Variants in PPME1 observed in about 807,000 individuals in gnomAD.
PPME1 encodes the protein testicular secretory protein Li 39.
Under a neutral mutation model 56.9 loss-of-function variants are expected in PPME1, and 17 were observed. The observed-to-expected ratio is 0.30, with a 90% CI of 0.20 to 0.45. The LOEUF (loss-of-function observed/expected upper bound fraction) is 0.45, where lower values mean the gene tolerates loss of function less well. Among genes scored for constraint, PPME1 ranks in the 20% least tolerant of loss-of-function variants. PPME1 has a pLI of 1.00. For synonymous variants in PPME1, 122 were observed against 156.2 expected (o/e 0.78, Z 1.63); for missense variants, 357 against 483.2 (o/e 0.74, Z 2.45).
intron 7 of PPME1, among the ~76,000 whole-genome samples, chr11:74,232,989 G>A (rs919017745): frequency 6.7e-6 from 1 of 148,690 alleles, no homozygotes; most frequent in Non-Finnish European, 1.5e-5. Context: ...AAATGGGTAT[G>A]AGCCACTACG....
intron 1 of PPME1, among the ~76,000 whole-genome samples, chr11:74,173,053 G>A (rs918970550): frequency 6.6e-6 from 1 of 152,106 alleles, no homozygotes; most frequent in Non-Finnish European, 1.5e-5. Flanking sequence ...GCTATGATAC[G>A]CAGTAGAAAA....
At chr11:74,251,346 C>A in intron 12 of PPME1, 1 of 1,355,318 alleles carries the variant, frequency 7.4e-7, no homozygotes, top group East Asian at 2.7e-5. Flanking sequence ...AAACCACAGG[C>A]ACAGTTAGGA....
chr11:74,207,232 T>G (rs1184879420), intron 3 of PPME1, among the ~76,000 whole-genome samples: 1 of 152,204 alleles, frequency 6.6e-6, no homozygotes, highest in Non-Finnish European at 1.5e-5. Context: ...AGGATTTAAT[T>G]GTGAATGTAT....
At chr11:74,194,374 A>G (rs1160416120) in intron 1 of PPME1, among the ~76,000 whole-genome samples, 1 of 152,048 alleles carries the variant, frequency 6.6e-6, no homozygotes, top group African/African-American at 2.4e-5. Flanking sequence ...GTGCATCGCA[A>G]AACTTCAAGT....
chr11:74,223,031 C>T (rs902419453), intron 4 of PPME1, among the ~76,000 whole-genome samples: 2 of 151,054 alleles, frequency 1.3e-5, no homozygotes, highest in African/African-American at 2.4e-5. Flanking sequence ...CATGCTGGTG[C>T]GCTGCACCCA....
rs1318862123 is a variant in PPME1, at chr11:74,253,519, T to G, written c.*9T>G. On this transcript the variant is annotated 3_prime_UTR_variant, in exon 14 of 14. Transcript: ENST00000328257. ...TGTTTCCTGGCTGTTAGTGACCTGC[T>G]GTCCACCCCTCCTCAACATCGAGCT... 6.2e-7 allele frequency: 1 copy of G among 1,605,390 alleles called. No individual in the cohort carries two copies. The highest frequency in any genetic ancestry group is 2.2e-5 in the East Asian group (1 of 44,832).
chr11:74,184,748 A>G (rs895332996), intron 1 of PPME1, among the ~76,000 whole-genome samples: 1 of 152,012 alleles, frequency 6.6e-6, no homozygotes, highest in African/African-American at 2.4e-5. Flanking sequence ...CTGTTTACCT[A>G]TTTCCCCCCT....
chr11:74,177,662 C>T (rs1191854346), intron 1 of PPME1, among the ~76,000 whole-genome samples: 2 of 151,856 alleles, frequency 1.3e-5, no homozygotes, highest in Non-Finnish European at 2.9e-5. Flanking sequence ...GTTTTTTTCT[C>T]ACAAATAAAC....
intron 3 of PPME1, among the ~76,000 whole-genome samples, chr11:74,211,138 A>C (rs936619406): frequency 6.6e-6 from 1 of 152,228 alleles, no homozygotes; most frequent in Non-Finnish European, 1.5e-5. Context: ...TTATTTTTTA[A>C]ATGTAAGACA....
In PPME1 at chr11:74,203,885, G is replaced by A. The variant is rs59043072; in HGVS notation, c.195+64G>A. 7.2e-3 allele frequency: 8,625 copies of A among 1,201,014 alleles called. 360 individuals carry two copies. In the African/African-American group the frequency reaches 0.11, roughly 15 times the overall value. The allele number at this position is 1,201,014 out of a possible 1,614,324, so 74.4% of individuals were successfully genotyped here. A position where few individuals can be genotyped will look rare whatever the true frequency, so the allele number is the denominator to read the frequency against. On this transcript the variant is annotated intron_variant, in intron 2 of 13. Transcript: ENST00000328257. ...TGATGTTGTCTAAGTTAAAAGACTT[G>A]TGTAGTTTCTAAAATGTTCTTTATT...
intron 13 of PPME1, among the ~76,000 whole-genome samples, chr11:74,252,761 C>T (rs940275218): frequency 1.3e-5 from 2 of 152,164 alleles, no homozygotes; most frequent in African/African-American, 4.8e-5. Flanking sequence ...AAAATTCCCC[C>T]TCTATTGGTC....
intron 9 of PPME1, among the ~76,000 whole-genome samples, chr11:74,241,165 C>T (rs1448439802): frequency 2.0e-5 from 3 of 152,222 alleles, no homozygotes; most frequent in Admixed American, 1.3e-4. Flanking sequence ...ACCCTCCCAG[C>T]TTAGGCAACC....
intron 8 of PPME1, among the ~76,000 whole-genome samples, chr11:74,236,217 T>C (rs1021883030): frequency 6.6e-6 from 1 of 152,246 alleles, no homozygotes; most frequent in African/African-American, 2.4e-5. Context: ...AGCAAAACTC[T>C]GCGTGTTAAA....
At chr11:74,208,603 G>A (rs1423658903) in intron 3 of PPME1, among the ~76,000 whole-genome samples, 1 of 152,126 alleles carries the variant, frequency 6.6e-6, no homozygotes, top group Non-Finnish European at 1.5e-5. Flanking sequence ...TAGATAGATG[G>A]GTATAATACC....
intron 9 of PPME1, among the ~76,000 whole-genome samples, chr11:74,241,220 T>C (rs896197430): frequency 1.3e-5 from 2 of 152,226 alleles, no homozygotes; most frequent in African/African-American, 4.8e-5. Context: ...ACATTAAATA[T>C]AGATGGAACT....
chr11:74,239,467 A>G (rs998036188), intron 9 of PPME1, among the ~76,000 whole-genome samples: 4 of 151,600 alleles, frequency 2.6e-5, no homozygotes, highest in African/African-American at 9.7e-5. Context: ...TACGCTATAT[A>G]CCCTCCCCTA....
chr11:74,243,954 G>A (rs1441916887), intron 9 of PPME1, among the ~76,000 whole-genome samples: 5 of 151,904 alleles, frequency 3.3e-5, no homozygotes, highest in African/African-American at 4.8e-5. Context: ...TCTTCCAAAG[G>A]CCCCTGGTTG....
chr11:74,199,395 C>G (rs1365380774), intron 1 of PPME1, among the ~76,000 whole-genome samples: 1 of 152,182 alleles, frequency 6.6e-6, no homozygotes, highest in Non-Finnish European at 1.5e-5. Context: ...CCCAGCATCC[C>G]CCATTATCCT....
chr11:74,208,109 C>T (rs1394302143), intron 3 of PPME1, among the ~76,000 whole-genome samples: 5 of 151,912 alleles, frequency 3.3e-5, no homozygotes, highest in East Asian at 3.9e-4. Flanking sequence ...GTCAGGAGAT[C>T]GAGACAATCC....
Sources: allele counts gnomAD v4.1 joint callset (sites outside exome capture counted in the v4.1 genomes callset), GRCh38; gene constraint gnomAD v4.1.1; transcripts MANE v1.5; gene names NCBI Gene and HGNC (gene_info 2026-07-23, HGNC 2026-07-21).